TDRD3: variants seen among roughly 807,000 people sequenced by gnomAD.
TDRD3 encodes tudor domain-containing protein 3.
TDRD3 carries 45 observed loss-of-function variants against 86.7 expected under a neutral mutation model. The ratio of observed to expected loss-of-function variants is 0.52; its 90% CI spans 0.41 to 0.67. The LOEUF (loss-of-function observed/expected upper bound fraction) is 0.67, where lower values mean the gene tolerates loss of function less well. TDRD3 is among the 30% of genes least tolerant of loss of function. The pLI is 0.00. For synonymous variants in TDRD3, 298 were observed against 301.7 expected (o/e 0.99, Z 0.13); for missense variants, 814 against 889.0 (o/e 0.92, Z 1.07).
intron 1 of TDRD3, among the ~76,000 whole-genome samples, chr13:60,427,410 T>G (rs1954839827): frequency 6.6e-6 from 1 of 152,152 alleles, no homozygotes; most frequent in African/African-American, 2.4e-5. Flanking sequence ...ACTTTTTTTT[T>G]GTGGGGAGGC....
intron 7 of TDRD3, among the ~76,000 whole-genome samples, chr13:60,488,860 C>T (rs927279831): frequency 2.0e-5 from 3 of 152,090 alleles, no homozygotes; most frequent in Non-Finnish European, 4.4e-5. Context: ...ATTACACAGG[C>T]GTGAGCTACC....
intron 1 of TDRD3, among the ~76,000 whole-genome samples, chr13:60,410,012 G>A (rs1954321654): frequency 1.3e-5 from 2 of 152,098 alleles, no homozygotes; most frequent in Non-Finnish European, 2.9e-5. Flanking sequence ...TCCTGTGCTA[G>A]TCTCATGATA....
chr13:60,492,804 A>G (rs1449864788), intron 7 of TDRD3, among the ~76,000 whole-genome samples: 1 of 152,124 alleles, frequency 6.6e-6, no homozygotes, highest in East Asian at 1.9e-4. Flanking sequence ...TTTATCAGCT[A>G]CCTAATAGAG....
At chr13:60,554,999 A>G (rs1163038398) in intron 12 of TDRD3, among the ~76,000 whole-genome samples, 2 of 152,208 alleles carry the variant, frequency 1.3e-5, no homozygotes, top group Admixed American at 6.5e-5. Context: ...GATACATGTC[A>G]TTCAATTTTC....
chr13:60,414,693 G>C (rs183728703), intron 1 of TDRD3, among the ~76,000 whole-genome samples: 1 of 152,114 alleles, frequency 6.6e-6, no homozygotes, highest in Non-Finnish European at 1.5e-5. Flanking sequence ...TGATAGGAAT[G>C]TGTCAGTACT....
chr13:60,404,165 T>C (rs796293309), intron 1 of TDRD3, among the ~76,000 whole-genome samples: 28 of 152,220 alleles, frequency 1.8e-4, no homozygotes, highest in African/African-American at 6.3e-4. Context: ...TCTTGTGCTC[T>C]TTGGCTAAGG....
intron 10 of TDRD3, among the ~76,000 whole-genome samples, chr13:60,513,366 C>T (rs1957100140): frequency 6.6e-6 from 1 of 152,218 alleles, no homozygotes; most frequent in Admixed American, 6.5e-5. Context: ...GCCCTGAAGA[C>T]ATTTTCCCCA....
chr13:60,433,833 T>C (rs888720913), intron 1 of TDRD3, among the ~76,000 whole-genome samples: 1 of 152,224 alleles, frequency 6.6e-6, no homozygotes, highest in African/African-American at 2.4e-5. Flanking sequence ...TCATTATCTA[T>C]ACATTATAGC....
chr13:60,511,089 G>T (rs1957049408), intron 10 of TDRD3, among the ~76,000 whole-genome samples: 1 of 151,910 alleles, frequency 6.6e-6, no homozygotes, highest in Non-Finnish European at 1.5e-5. Context: ...TTGTGAAATT[G>T]ATATATCTCT....
At chr13:60,567,469 A>G in intron 12 of TDRD3, 56 bp from the exon 13 acceptor site, 1 of 1,610,678 alleles carries the variant, frequency 6.2e-7, no homozygotes, top group Non-Finnish European at 8.5e-7. Context: ...AATTTTTTTT[A>G]CTTAAGAAAC....
At chr13:60,428,056 C>G (rs1260591945) in intron 1 of TDRD3, among the ~76,000 whole-genome samples, 1 of 151,962 alleles carries the variant, frequency 6.6e-6, no homozygotes, top group African/African-American at 2.4e-5. Context: ...CTTACAGCTT[C>G]TGTGGTTGCT....
At chr13:60,516,748 T>C (rs1328927704) in intron 10 of TDRD3, among the ~76,000 whole-genome samples, 3 of 152,184 alleles carry the variant, frequency 2.0e-5, no homozygotes, top group Non-Finnish European at 4.4e-5. Context: ...CAGCAGCAGA[T>C]GCAACAGCAT....
intron 1 of TDRD3, among the ~76,000 whole-genome samples, chr13:60,435,333 T>C (rs1014746176): frequency 6.6e-6 from 1 of 152,148 alleles, no homozygotes; most frequent in African/African-American, 2.4e-5. Context: ...ATAAGTTCTA[T>C]AGTGGTGAAT....
intron 4 of TDRD3, among the ~76,000 whole-genome samples, chr13:60,465,700 T>C (rs1955905301): frequency 2.0e-5 from 3 of 152,200 alleles, no homozygotes; most frequent in African/African-American, 7.2e-5. Flanking sequence ...TTATTAATTA[T>C]CTTTCTCCAA....
intron 12 of TDRD3, among the ~76,000 whole-genome samples, chr13:60,557,819 G>GCTTTTTTTTT (rs1491187240): frequency 1.1e-5 from 1 of 89,934 alleles, no homozygotes; most frequent in Non-Finnish European, 2.6e-5. Context: ...TTTTTTTCCT[G>GCTTTTTTTTT]ATTTTTTTTT....
At chr13:60,488,776 A>G (rs1956511518) in intron 7 of TDRD3, among the ~76,000 whole-genome samples, 1 of 151,954 alleles carries the variant, frequency 6.6e-6, no homozygotes, top group Non-Finnish European at 1.5e-5. Flanking sequence ...ACAGGGTTTC[A>G]CCATGTTGGC....
chr13:60,537,178 A>G (rs1182218738), intron 12 of TDRD3: 1 of 152,026 alleles, frequency 6.6e-6, no homozygotes, highest in Non-Finnish European at 1.5e-5. Context: ...AGATTCTGGT[A>G]TTTCTTTTCT....
At chr13:60,449,266 C>A (rs954363834) in intron 3 of TDRD3, among the ~76,000 whole-genome samples, 18 of 151,984 alleles carry the variant, frequency 1.2e-4, no homozygotes, top group African/African-American at 4.3e-4. Context: ...CAATTTGTTT[C>A]TTTTAGTGAG....
intron 13 of TDRD3, among the ~76,000 whole-genome samples, chr13:60,570,015 T>C (rs531669784): frequency 6.6e-6 from 1 of 152,266 alleles, no homozygotes; most frequent in African/African-American, 2.4e-5. Flanking sequence ...GCAAAAACTT[T>C]TTGAGTAAGA....
Sources: gnomAD v4.1 joint callset for allele counts (sites outside exome capture counted in the v4.1 genomes callset) on GRCh38, gnomAD v4.1.1 for gene constraint, MANE v1.5 for transcripts, NCBI Gene and HGNC (gene_info 2026-07-23, HGNC 2026-07-21) for gene names.